HERC1: variants seen among roughly 807,000 people sequenced by gnomAD.
The protein encoded by HERC1 is probable E3 ubiquitin-protein ligase HERC1.
A neutral mutation model predicts 554.3 loss-of-function variants in HERC1; 160 were observed. The observed-to-expected ratio is 0.29, with a 90% CI of 0.25 to 0.33. The LOEUF (loss-of-function observed/expected upper bound fraction) is 0.33, where lower values mean the gene tolerates loss of function less well. HERC1 is among the 10% of genes least tolerant of loss of function. The pLI, the probability that HERC1 is intolerant of heterozygous loss-of-function variation, is 1.00. For missense variants in HERC1, 4,919 were observed against 5,918.5 expected (o/e 0.83, Z 5.54); for synonymous variants, 2,175 against 2,131.7 (o/e 1.02, Z -0.56).
intron 61 of HERC1, among the ~76,000 whole-genome samples, chr15:63,639,397 T>C (rs1367536531): frequency 6.6e-6 from 1 of 152,178 alleles, no homozygotes; most frequent in African/African-American, 2.4e-5. Context: ...GACTATACCG[T>C]ATAGTCTTGT....
chr15:63,631,792 C>T (rs1057163139), intron 68 of HERC1, among the ~76,000 whole-genome samples: 4 of 152,198 alleles, frequency 2.6e-5, no homozygotes, highest in South Asian at 2.1e-4. Context: ...CCACCCGCCT[C>T]GGCCTCCCAA....
Position 63,666,007 on chromosome 15 carries a change from C to T in HERC1, c.8467G>A (p.Gly2823Arg), listed in dbSNP as rs756351843. 43 of 1,613,864 alleles carry T rather than the reference C, an allele frequency of 2.7e-5. No homozygotes were observed. Among genetic ancestry groups the T allele is most frequent in the South Asian group, 1.4e-4 (13 of 91,092 alleles). ...RPGAAVLGSG[G>R]KSNDPCYLQS... ...AAATAACAGGGATCATTTGACTTCC[C>T]GCCACTGCCTAGAACGGCTGCTCCA... Residue 2823 changes from glycine to arginine, a missense_variant, in exon 42 of 78, where the codon GGG becomes AGG. By Grantham distance (125) the Gly-to-Arg change is moderately radical. Coordinates refer to ENST00000443617, the MANE Select transcript of HERC1 (RefSeq NM_003922.4).
At chr15:63,633,672 T>C (rs2068662148) in intron 67 of HERC1, among the ~76,000 whole-genome samples, 176 bp downstream of exon 67, 1 of 152,232 alleles carries the variant, frequency 6.6e-6, no homozygotes, top group South Asian at 2.1e-4. Context: ...ATTAATAGCT[T>C]ATTTAAAATC....
At chr15:63,685,481 T>C (rs1020504770) in intron 34 of HERC1, among the ~76,000 whole-genome samples, 9 of 152,290 alleles carry the variant, frequency 5.9e-5, no homozygotes, top group African/African-American at 2.2e-4. Context: ...AGTCCTGGAC[T>C]GGCCAGAGTT....
At chr15:63,676,401 T>C (rs1464118968) in intron 37 of HERC1, among the ~76,000 whole-genome samples, 1 of 152,150 alleles carries the variant, frequency 6.6e-6, no homozygotes, top group Non-Finnish European at 1.5e-5. Flanking sequence ...GCTAAGATGA[T>C]CCATAGCATT....
chr15:63,783,939 G>T lies in HERC1; in HGVS notation c.-26-8290C>A, dbSNP rs576241027. The stretch of plus-strand genomic sequence containing the variant: ...AAATTAGCTGGGCATGGTAGTGGGC[G>T]CCTGTAATCCCAGCTACTCGGGAGG... On this transcript the variant is annotated intron_variant, in intron 1 of 77. Transcript: ENST00000443617. Among the ~76,000 whole-genome samples, 7 of 152,014 alleles carry T rather than the reference G, an allele frequency of 4.6e-5. No homozygotes were observed. In the East Asian group the frequency reaches 1.4e-3, roughly 29 times the overall value.
chr15:63,666,663 T>C (rs556116385), intron 40 of HERC1, among the ~76,000 whole-genome samples, 191 bp from the exon 41 acceptor site: 3 of 152,320 alleles, frequency 2.0e-5, no homozygotes, highest in African/African-American at 4.8e-5. Flanking sequence ...ATGTTATACT[T>C]TGTAAAGATT....
chr15:63,786,914 A>ATTTTTT lies in HERC1; in HGVS notation c.-26-11266_-26-11265insAAAAAA, dbSNP rs780871966. ...CGTGATGTGAACTTCAACTCAATAA[A>ATTTTTT]TTATTATTTTTTTTTTTTTTATTTT... On this transcript the variant is annotated intron_variant, in intron 1 of 77. Transcript: ENST00000443617. Among the ~76,000 whole-genome samples the ATTTTTT allele has an allele frequency of 6.6e-5, 9 of 135,618 alleles. 1 individual carries two copies. Among genetic ancestry groups the ATTTTTT allele is most frequent in the Non-Finnish European group, 1.1e-4 (7 of 61,794 alleles). 89.0% of individuals were successfully genotyped at this position (135,618 alleles called of 152,430 possible). A position where few individuals can be genotyped will look rare whatever the true frequency, so the allele number is the denominator to read the frequency against.
intron 12 of HERC1, among the ~76,000 whole-genome samples, chr15:63,740,500 T>C (rs942529342): frequency 5.3e-5 from 8 of 152,232 alleles, no homozygotes; most frequent in African/African-American, 1.9e-4. Flanking sequence ...TTTAAGGAAC[T>C]GCCTGTTTTC....
In HERC1 at chr15:63,718,209, A is replaced by C. The variant is rs1023996511; in HGVS notation, c.3978+365T>G. Among the ~76,000 whole-genome samples the C allele has an allele frequency of 3.3e-5, 5 of 151,884 alleles. No individual in the cohort carries two copies. The highest frequency in any genetic ancestry group is 1.2e-4 in the African/African-American group (5 of 41,318). ...TATGACATAATTTTTGGACTTTATCAATCCAAGGTATTGCTTAATGTCCCT... is the reference window on the plus strand; with the variant it reads ...TATGACATAATTTTTGGACTTTATCCATCCAAGGTATTGCTTAATGTCCCT... On this transcript the variant is annotated intron_variant, in intron 21 of 77. Coordinates refer to ENST00000443617, the MANE Select transcript of HERC1 (RefSeq NM_003922.4). This position sits in a 1 kb window ranked among gnomAD's most constrained non-coding sequence, Gnocchi z 4.2.
chr15:63,783,284 A>T (rs2076339552), intron 1 of HERC1, among the ~76,000 whole-genome samples: 2 of 152,186 alleles, frequency 1.3e-5, no homozygotes, highest in African/African-American at 4.8e-5. Flanking sequence ...TTGCCAAAGT[A>T]ATCCCAACCT....
At chr15:63,657,543 A>G (rs1347095202) in intron 48 of HERC1, among the ~76,000 whole-genome samples, 2 of 152,010 alleles carry the variant, frequency 1.3e-5, no homozygotes, top group East Asian at 3.9e-4. Context: ...GGTTAGATGC[A>G]TTACTAATAT....
rs181815436 is a variant in HERC1 at position 63,636,154 on chromosome 15, C to A, written c.12233-12G>T. On this transcript the variant is annotated splice_polypyrimidine_tract_variant and intron_variant, in intron 64 of 77. Coordinates refer to ENST00000443617, the MANE Select transcript of HERC1 (RefSeq NM_003922.4). The stretch of plus-strand genomic sequence containing the variant: ...GGTCACCACAAAGCCTGGAACAGAA[C>A]AGAAACCCAACAGGAGTCACTGGAT... The A allele has an allele frequency of 1.1e-5, 18 of 1,610,742 alleles. No homozygotes were observed. In the African/African-American group the frequency reaches 2.0e-4, roughly 18 times the overall value.
At chr15:63,669,731 TC>T (rs1595932924) in intron 39 of HERC1, 33 bp from the exon 40 acceptor site, 1 of 1,595,690 alleles carries the variant, frequency 6.3e-7, no homozygotes, top group East Asian at 2.2e-5. Context: ...AGCATAAAAA[TC>T]CAATTTACGA....
At chr15:63,653,924 A>G (rs976240394) in intron 51 of HERC1, among the ~76,000 whole-genome samples, 195 bp downstream of exon 51, 9 of 152,198 alleles carry the variant, frequency 5.9e-5, no homozygotes, top group African/African-American at 2.2e-4. Context: ...GTATACTATT[A>G]TATCAAACCA....
chr15:63,760,437 A>G (rs953239954), intron 3 of HERC1, among the ~76,000 whole-genome samples: 1 of 69,554 alleles, frequency 1.4e-5, no homozygotes, highest in South Asian at 4.0e-4. Context: ...ACACCATCCA[A>G]AAAAAAAAAA....
At chr15:63,766,828 C>G (rs2075794149) in intron 2 of HERC1, among the ~76,000 whole-genome samples, 1 of 152,032 alleles carries the variant, frequency 6.6e-6, no homozygotes, top group South Asian at 2.1e-4. Context: ...CAGGCATGAG[C>G]CACCATGCCC....
chr15:63,716,446 C>T lies in HERC1; in HGVS notation c.4006G>A (p.Val1336Ile). The stretch of plus-strand genomic sequence containing the variant: ...GTAAATGAATGCTCCTGAGGATCAA[C>T]ATCTGCAGAGTCCTGGTTTTCTGAT... The part of the protein sequence containing the change: ...WISENQDSAD[V>I]DPQEHSFTRT... Residue 1336 changes from valine (V) to isoleucine (I), a missense_variant, in exon 22 of 78, where the codon GTT (valine) becomes ATT (isoleucine). By Grantham distance (29) the Val-to-Ile change is conservative. Transcript: ENST00000443617. The T allele has an allele frequency of 2.5e-6, 4 of 1,613,086 alleles. No homozygotes were observed. The highest frequency in any genetic ancestry group is 3.4e-6 in the Non-Finnish European group (4 of 1,179,472).
chr15:63,628,658 T>C lies in HERC1; in HGVS notation c.13105+19A>G, dbSNP rs1420788963. ...CTAAAAAAGAAACGCTGCAGGAGCA[T>C]GAATATTTCATTCCTCACCTGGTGC... On this transcript the variant is annotated intron_variant, in intron 70 of 77. Transcript: ENST00000443617. The C allele has an allele frequency of 6.3e-7, 1 of 1,599,530 alleles. No homozygotes were observed. The highest frequency in any genetic ancestry group is 8.5e-7 in the Non-Finnish European group (1 of 1,173,784).
Sources: allele counts gnomAD v4.1 joint callset (sites outside exome capture counted in the v4.1 genomes callset), GRCh38; gene constraint gnomAD v4.1.1; non-coding constraint Gnocchi (gnomAD v3.1); transcripts MANE v1.5; gene names NCBI Gene and HGNC (gene_info 2026-07-23, HGNC 2026-07-21).